The following NRXN1 variants were observed in gnomAD, a reference collection of about 807,000 sequenced individuals.
The protein encoded by NRXN1 is neurexin 1, also known as neurexin-1.
A neutral mutation model predicts 150.9 loss-of-function variants in NRXN1; 39 were observed. The ratio of observed to expected loss-of-function variants is 0.26; its 90% CI spans 0.20 to 0.34. The LOEUF is 0.34. Ranked by LOEUF, NRXN1 falls within the 10% of genes least tolerant of loss-of-function variation. The probability of loss-of-function intolerance (pLI) is 1.00; values close to 1 mark genes in which losing one functional copy is unlikely to be tolerated. For synonymous variants in NRXN1, 924 were observed against 757.0 expected, an observed-to-expected ratio of 1.22 and a Z score of -3.62; for missense variants, 1,815 against 1,949.9, an observed-to-expected ratio of 0.93 and a Z score of 1.30.
intron 17 of NRXN1, among the ~76,000 whole-genome samples, chr2:50,332,982 T>C (rs570624423): frequency 6.6e-6 from 1 of 152,172 alleles, no homozygotes; most frequent in African/African-American, 2.4e-5. Context: ...ATACTGGCCA[T>C]CACACCAACA....
intron 5 of NRXN1, among the ~76,000 whole-genome samples, chr2:50,707,434 G>A (rs1487386504): frequency 6.6e-6 from 1 of 152,186 alleles, no homozygotes; most frequent in African/African-American, 2.4e-5. Context: ...TTCAGCTGCA[G>A]TAGATTCCTT....
At chr2:50,691,714 C>T (rs368700379) in intron 5 of NRXN1, among the ~76,000 whole-genome samples, 3 of 152,084 alleles carry the variant, frequency 2.0e-5, no homozygotes, top group East Asian at 3.9e-4. Context: ...GGACTCTTGC[C>T]CTCGCCACAT....
intron 17 of NRXN1, among the ~76,000 whole-genome samples, chr2:50,244,178 T>C (rs770650353): frequency 3.3e-5 from 5 of 151,906 alleles, no homozygotes; most frequent in Non-Finnish European, 5.9e-5. Context: ...AAGAGTATGG[T>C]ACATGAAAAT....
chr2:50,654,249 A>G (rs1335692286), intron 5 of NRXN1, among the ~76,000 whole-genome samples: 2 of 98,500 alleles, frequency 2.0e-5, no homozygotes, highest in East Asian at 3.6e-4. Context: ...TCATTGTTCA[A>G]TTCCCACCTA....
chr2:50,385,282 G>A (rs1338967562), intron 17 of NRXN1, among the ~76,000 whole-genome samples: 2 of 152,180 alleles, frequency 1.3e-5, no homozygotes, highest in East Asian at 3.9e-4. Context: ...TTTGGGCACT[G>A]TAGAGCCTAG....
At chr2:50,537,418 A>G (rs2093287290) in intron 10 of NRXN1, among the ~76,000 whole-genome samples, 1 of 152,224 alleles carries the variant, frequency 6.6e-6, no homozygotes, top group African/African-American at 2.4e-5. Flanking sequence ...GAATAAACTT[A>G]GAACTATTTG....
chr2:50,778,345 C>G (rs1395738740), intron 5 of NRXN1, among the ~76,000 whole-genome samples: 1 of 152,178 alleles, frequency 6.6e-6, no homozygotes, highest in African/African-American at 2.4e-5. Context: ...ATATGACAGA[C>G]ATTCAAATAT....
chr2:50,478,907 G>A (rs1193661085), intron 15 of NRXN1, among the ~76,000 whole-genome samples: 5 of 152,162 alleles, frequency 3.3e-5, no homozygotes, highest in Middle Eastern at 3.4e-3. Flanking sequence ...TTGTTGTTTC[G>A]TTTTCATTCC....
chr2:50,628,604 C>G (rs958716177), intron 5 of NRXN1, among the ~76,000 whole-genome samples: 19 of 151,644 alleles, frequency 1.3e-4, no homozygotes, highest in African/African-American at 4.6e-4. Flanking sequence ...ATTCTATAAA[C>G]AAATACTAAG....
intron 17 of NRXN1, among the ~76,000 whole-genome samples, chr2:50,394,874 A>C (rs2081962878): frequency 6.6e-6 from 1 of 151,818 alleles, no homozygotes; most frequent in African/African-American, 2.4e-5. Context: ...CCAGTTACCC[A>C]GGTCTTCTTA....
chr2:50,212,036 G>A (rs1426527008), intron 18 of NRXN1, among the ~76,000 whole-genome samples: 1 of 148,914 alleles, frequency 6.7e-6, no homozygotes, highest in Non-Finnish European at 1.5e-5. Context: ...TTGCTTATTG[G>A]CAAACTAAAT....
chr2:50,456,339 G>C (rs1351910437), intron 17 of NRXN1, among the ~76,000 whole-genome samples: 1 of 152,078 alleles, frequency 6.6e-6, no homozygotes, highest in Non-Finnish European at 1.5e-5. Context: ...TGTGAATTTA[G>C]ATCATTAGGG....
intron 17 of NRXN1, among the ~76,000 whole-genome samples, chr2:50,342,061 A>G (rs2077586816): frequency 1.3e-5 from 2 of 151,966 alleles, no homozygotes; most frequent in African/African-American, 4.8e-5. Flanking sequence ...TCCAACCTCA[A>G]CTCTACTCTC....
At chr2:50,268,769 T>C (rs1427505223) in intron 17 of NRXN1, among the ~76,000 whole-genome samples, 1 of 152,202 alleles carries the variant, frequency 6.6e-6, no homozygotes, top group African/African-American at 2.4e-5. Context: ...CCAGAGCTCC[T>C]TGTAGATAGG....
rs966372783 is a variant in NRXN1 at position 50,852,830 on chromosome 2, A to G, written c.832+69039T>C. The stretch of plus-strand genomic sequence containing the variant: ...CATTTAAGAAAATGTTCATCTGAAT[A>G]TCACCTAAAATCAACTGGCATACAC... On this transcript the variant is annotated intron_variant, in intron 5 of 22. Coordinates refer to ENST00000401669, the MANE Select transcript of NRXN1 (RefSeq NM_001330078.2). Among the ~76,000 whole-genome samples, 11 of 152,314 alleles carry G rather than the reference A, an allele frequency of 7.2e-5. No individual in the cohort carries two copies. In the East Asian group the frequency reaches 7.7e-4, roughly 11 times the overall value.
At chr2:49,947,518 T>C (rs971681861) in intron 21 of NRXN1, among the ~76,000 whole-genome samples, 4 of 143,988 alleles carry the variant, frequency 2.8e-5, no homozygotes, top group Non-Finnish European at 6.1e-5. Context: ...TTTTTTCTTT[T>C]TTTTTTTTTT....
At position 50,198,513 on chromosome 2, in the gene NRXN1, T is replaced by C. The variant is rs572076908; in HGVS notation, c.3546+38276A>G. On this transcript the variant is annotated intron_variant, in intron 18 of 22. Coordinates refer to ENST00000401669, the MANE Select transcript of NRXN1 (RefSeq NM_001330078.2). ...CCCAACCTCTCGAATGCCCATAATG[T>C]AACTGAAGAAATATAGTTCCTTAAA... Among the ~76,000 whole-genome samples, 5 of 152,280 alleles carry C rather than the reference T, an allele frequency of 3.3e-5. No homozygotes were observed. The South Asian group carries it at 1.0e-3, about 32-fold the overall frequency.
At chr2:50,285,360 C>T (rs960497120) in intron 17 of NRXN1, among the ~76,000 whole-genome samples, 1 of 152,162 alleles carries the variant, frequency 6.6e-6, no homozygotes, top group Non-Finnish European at 1.5e-5. Flanking sequence ...GCTCAGGGTG[C>T]AAGGTAGAAA....
Position 50,478,719 on chromosome 2 carries a change from C to T in NRXN1, c.3071-6248G>A, listed in dbSNP as rs1411614252. ...GCCTAAAATCAAACCTTCATCATCT[C>T]CCTTGCTGTGAAATTACTTTTTCTA... On this transcript the variant is annotated intron_variant, in intron 15 of 22. Transcript: ENST00000401669. 5.3e-5 allele frequency among the ~76,000 whole-genome samples: 8 copies of T among 152,274 alleles called. No homozygotes were observed. In the East Asian group the frequency reaches 1.5e-3, roughly 29 times the overall value.
Sources: allele counts gnomAD v4.1 joint callset (sites outside exome capture counted in the v4.1 genomes callset), GRCh38; gene constraint gnomAD v4.1.1; transcripts MANE v1.5; gene names NCBI Gene and HGNC (gene_info 2026-07-23, HGNC 2026-07-21).